Variants in RIMKLB observed in about 807,000 individuals in gnomAD.
The protein encoded by RIMKLB is beta-citrylglutamate synthase B.
RIMKLB carries 7 observed loss-of-function variants against 32.0 expected under a neutral mutation model. The observed-to-expected ratio is 0.22, with a 90% confidence interval of 0.12 to 0.41. The LOEUF (loss-of-function observed/expected upper bound fraction) is 0.41, where lower values mean the gene tolerates loss of function less well. Among genes scored for constraint, RIMKLB ranks in the 10% least tolerant of loss-of-function variants. RIMKLB has a pLI of 1.00. For missense variants in RIMKLB, 289 were observed against 498.7 expected (o/e 0.58, Z 4.00); for synonymous variants, 172 against 185.1 (o/e 0.93, Z 0.57).
chr12:8,691,125 A>G (rs1023475592), intron 1 of RIMKLB, among the ~76,000 whole-genome samples: 1 of 152,114 alleles, frequency 6.6e-6, no homozygotes, highest in South Asian at 2.1e-4. Context: ...TGTCTGTCCC[A>G]GTTACCCAGA....
At chr12:8,702,869 C>T (rs1164196226) in intron 1 of RIMKLB, among the ~76,000 whole-genome samples, 1 of 152,216 alleles carries the variant, frequency 6.6e-6, no homozygotes, top group Non-Finnish European at 1.5e-5. Context: ...GAAGGCCAGA[C>T]ATTTATCATG....
intron 1 of RIMKLB, among the ~76,000 whole-genome samples, chr12:8,709,926 C>A (rs1565559635): frequency 6.6e-6 from 1 of 152,104 alleles, no homozygotes; most frequent in African/African-American, 2.4e-5. Flanking sequence ...GGAATTATCC[C>A]TTGTGGATAT....
intron 2 of RIMKLB, among the ~76,000 whole-genome samples, chr12:8,736,994 G>T (rs1275124273): frequency 6.6e-6 from 1 of 151,846 alleles, no homozygotes; most frequent in South Asian, 2.1e-4. Flanking sequence ...TGTATTTTTA[G>T]TAGAGACGGG....
At chr12:8,751,882 C>G in intron 3 of RIMKLB, 75 bp from the exon 4 acceptor site, 2 of 965,196 alleles carry the variant, frequency 2.1e-6, no homozygotes, top group South Asian at 1.4e-5. Context: ...TGTTGGTTGT[C>G]TTTAGCGTTG....
At chr12:8,718,667 ATATG>A (rs1424194987) in intron 2 of RIMKLB, among the ~76,000 whole-genome samples, 3,255 of 132,608 alleles carry the variant, frequency 0.025, 69 homozygotes, top group East Asian at 0.065. Context: ...ATATATATAT[ATATG>A]TGTGTGTGTG....
Position 8,776,025 on chromosome 12 carries a change from T to C in RIMKLB, c.*2241T>C. The C allele has an allele frequency of 1.0e-6, 1 of 984,190 alleles. No homozygotes were observed. The highest frequency in any genetic ancestry group is 1.2e-6 in the Non-Finnish European group (1 of 828,800). The allele number at this position is 984,190 out of a possible 1,614,324, so 61.0% of individuals were successfully genotyped here. A position where few individuals can be genotyped will look rare whatever the true frequency, so the allele number is the denominator to read the frequency against. ...GGAAGAAAGAACTGCTTAATTAAAT[T>C]ATCATTCATATGTTCATATAGAGAC... On this transcript the variant is annotated 3_prime_UTR_variant, in exon 6 of 6. Transcript: ENST00000535829.
At chr12:8,771,795 A>G (rs1950423493) in intron 5 of RIMKLB, among the ~76,000 whole-genome samples, 1 of 152,150 alleles carries the variant, frequency 6.6e-6, no homozygotes, top group Non-Finnish European at 1.5e-5. Context: ...TTTCTGGAAA[A>G]TGTCTTCATT....
intron 2 of RIMKLB, among the ~76,000 whole-genome samples, chr12:8,720,120 A>G (rs1229200798): frequency 6.6e-6 from 1 of 152,234 alleles, no homozygotes; most frequent in African/African-American, 2.4e-5. Context: ...CAGTGCCAGG[A>G]TAGAGTCCGG....
downstream of RIMKLB, among the ~76,000 whole-genome samples, chr12:8,778,572 A>G (rs1000901918): frequency 6.6e-6 from 1 of 152,182 alleles, no homozygotes; most frequent in South Asian, 2.1e-4. Flanking sequence ...ATAAAATGTC[A>G]GGGATAGGAC....
chr12:8,698,258 C>G lies in RIMKLB; in HGVS notation c.-96C>G, dbSNP rs779962074. Reference sequence around the variant, plus strand: ...CGCTTCCTCGAAGGCCCCAGCCCGGCTCAGTCGGCCGAGAGCGAGGGAGGA... The same window carrying G: ...CGCTTCCTCGAAGGCCCCAGCCCGGGTCAGTCGGCCGAGAGCGAGGGAGGA... On this transcript the variant is annotated 5_prime_UTR_variant, in exon 1 of 6. Transcript: ENST00000535829. The G allele has an allele frequency of 2.7e-5, 10 of 368,418 alleles. No homozygotes were observed. Among genetic ancestry groups the G allele is most frequent in the African/African-American group, 2.2e-4 (10 of 45,262 alleles). The allele number at this position is 368,418 out of a possible 1,614,324, so 22.8% of individuals were successfully genotyped here. A position where few individuals can be genotyped will look rare whatever the true frequency, so the allele number is the denominator to read the frequency against.
intron 5 of RIMKLB, among the ~76,000 whole-genome samples, chr12:8,758,136 T>A (rs1265954068): frequency 6.6e-6 from 1 of 152,124 alleles, no homozygotes; most frequent in Non-Finnish European, 1.5e-5. Context: ...ACTGTTGAGA[T>A]TATGCATCTG....
chr12:8,781,850 A>G (rs1224802509), downstream of RIMKLB, among the ~76,000 whole-genome samples: 1 of 151,996 alleles, frequency 6.6e-6, no homozygotes, highest in Non-Finnish European at 1.5e-5. Flanking sequence ...TTTCAATTAA[A>G]TTTATAGAAT....
chr12:8,737,749 T>C (rs1947143197), intron 2 of RIMKLB, among the ~76,000 whole-genome samples: 1 of 152,202 alleles, frequency 6.6e-6, no homozygotes. Context: ...AGTTTCACTC[T>C]TGTTGCCCAG....
chr12:8,674,152 T>G, the RIMKLB span, among the ~76,000 whole-genome samples: 66 of 152,086 alleles, frequency 4.3e-4, 2 homozygotes, highest in South Asian at 0.014. Context: ...CAGACTAGGG[T>G]TAAGTGTCAG....
At chr12:8,740,979 C>T (rs191116225) in intron 2 of RIMKLB, among the ~76,000 whole-genome samples, 163 of 151,740 alleles carry the variant, frequency 1.1e-3, no homozygotes, top group African/African-American at 3.7e-3. Flanking sequence ...GAGACTGAGG[C>T]GGGCAAATCA....
Position 8,698,088 on chromosome 12 carries a change from G to A in RIMKLB, c.-266G>A. 2 of 265,240 alleles carry A rather than the reference G, an allele frequency of 7.5e-6. No individual in the cohort carries two copies. Among genetic ancestry groups the A allele is most frequent in the South Asian group, 2.6e-5 (1 of 37,910 alleles). 16.4% of individuals were successfully genotyped at this position (265,240 alleles called of 1,614,324 possible). ...TGAGGGAGAAGCTGACGGGACGCGAGGCTGTGAGAAACTGGGCGAGTGTGC... is the reference window on the plus strand; with the variant it reads ...TGAGGGAGAAGCTGACGGGACGCGAAGCTGTGAGAAACTGGGCGAGTGTGC... On this transcript the variant is annotated 5_prime_UTR_variant, in exon 1 of 6. Transcript: ENST00000535829.
At chr12:8,731,041 C>G (rs1946490548) in intron 2 of RIMKLB, among the ~76,000 whole-genome samples, 1 of 151,470 alleles carries the variant, frequency 6.6e-6, no homozygotes, top group Non-Finnish European at 1.5e-5. Flanking sequence ...TGCCCGGCCT[C>G]AATGCAGCTT....
chr12:8,757,220 T>C (rs1168438328), intron 5 of RIMKLB, among the ~76,000 whole-genome samples: 2 of 152,070 alleles, frequency 1.3e-5, no homozygotes, highest in African/African-American at 4.8e-5. Flanking sequence ...AGTATACTTT[T>C]TTCATTAAGT....
At chr12:8,675,180 A>G in the RIMKLB span, among the ~76,000 whole-genome samples, 2 of 152,224 alleles carry the variant, frequency 1.3e-5, no homozygotes, top group Non-Finnish European at 2.9e-5. Context: ...CAATTTTAAG[A>G]AAAGCTGTCA....
Sources: gnomAD v4.1 joint callset for allele counts (sites outside exome capture counted in the v4.1 genomes callset) on GRCh38, gnomAD v4.1.1 for gene constraint, MANE v1.5 for transcripts, NCBI Gene and HGNC (gene_info 2026-07-23, HGNC 2026-07-21) for gene names.